The following DYNLRB1 variants were observed in gnomAD, a reference collection of about 807,000 sequenced individuals.
DYNLRB1 encodes dynein light chain roadblock-type 1.
A neutral mutation model predicts 13.5 loss-of-function variants in DYNLRB1; 6 were observed. The observed-to-expected ratio is 0.44, with a 90% CI of 0.24 to 0.88. DYNLRB1 has a LOEUF of 0.88. Ranked by LOEUF, DYNLRB1 falls within the 40% of genes least tolerant of loss-of-function variation. DYNLRB1 has a pLI of 0.21. For synonymous variants in DYNLRB1, 43 were observed against 45.0 expected (o/e 0.96, Z 0.18); for missense variants, 93 against 127.2 (o/e 0.73, Z 1.29).
intron 1 of DYNLRB1, among the ~76,000 whole-genome samples, chr20:34,517,713 C>CCG (rs1040115248): frequency 1.3e-5 from 2 of 149,092 alleles, no homozygotes; most frequent in African/African-American, 4.9e-5. Flanking sequence ...ACTGCCACCT[C>CCG]CGCCTCCCAG....
intron 1 of DYNLRB1, 186 bp downstream of exon 1, chr20:34,516,647 C>G (rs1277886046): frequency 1.8e-5 from 27 of 1,471,664 alleles, no homozygotes; most frequent in Non-Finnish European, 2.4e-5. Flanking sequence ...AAAGCCTGAC[C>G]GAGGCGGGGC....
At chr20:34,529,914 T>C in intron 2 of DYNLRB1, 1 of 1,500,580 alleles carries the variant, frequency 6.7e-7, no homozygotes, top group Non-Finnish European at 8.9e-7. Flanking sequence ...GGGCTGCCCC[T>C]GATCAGTTGG....
chr20:34,527,008 T>C (rs927145781), intron 2 of DYNLRB1, among the ~76,000 whole-genome samples: 10 of 152,286 alleles, frequency 6.6e-5, no homozygotes, highest in Admixed American at 5.9e-4. Context: ...ATACTAACTT[T>C]CCCAGACTGC....
At chr20:34,525,183 C>G (rs1488033931) in intron 1 of DYNLRB1, among the ~76,000 whole-genome samples, 1 of 151,974 alleles carries the variant, frequency 6.6e-6, no homozygotes, top group Non-Finnish European at 1.5e-5. Flanking sequence ...TTGAGGATCC[C>G]CCCCCCCATT....
intron 1 of DYNLRB1, among the ~76,000 whole-genome samples, chr20:34,524,369 A>G (rs1480412485): frequency 6.6e-6 from 1 of 152,176 alleles, no homozygotes; most frequent in Non-Finnish European, 1.5e-5. Flanking sequence ...GTGTATTCCT[A>G]TTAGTGGATG....
chr20:34,528,404 A>G (rs1306106052), intron 2 of DYNLRB1, among the ~76,000 whole-genome samples: 1 of 149,282 alleles, frequency 6.7e-6, no homozygotes, highest in African/African-American at 2.5e-5. Context: ...TTGGGAGGAG[A>G]GGAGTCCACT....
chr20:34,534,949 C>T (rs1219093989), intron 3 of DYNLRB1, 154 bp downstream of exon 3: 1 of 1,496,626 alleles, frequency 6.7e-7, no homozygotes, highest in Non-Finnish European at 8.9e-7. Context: ...CCTAGCCAGC[C>T]TCCAGCTGGT....
chr20:34,520,077 C>T (rs1478043485), intron 1 of DYNLRB1, among the ~76,000 whole-genome samples: 1 of 151,998 alleles, frequency 6.6e-6, no homozygotes, highest in African/African-American at 2.4e-5. Flanking sequence ...TGCAGTGATC[C>T]GAGACCAGGC....
rs554224114 is a variant in DYNLRB1 at position 34,537,837 on chromosome 20, A to T, written c.248-2744A>T. Among the ~76,000 whole-genome samples the T allele has an allele frequency of 1.1e-3, 173 of 152,232 alleles. 1 individual carries two copies. Among genetic ancestry groups the T allele is most frequent in the African/African-American group, 4.0e-3 (166 of 41,556 alleles). On this transcript the variant is annotated intron_variant, in intron 3 of 3. Coordinates refer to ENST00000357156, the MANE Select transcript of DYNLRB1 (RefSeq NM_014183.4). ...GCAGCCTGGCCCGGGAGGGAGATCC[A>T]TGCCTTCCCACCTGCCTGACCTGAC...
chr20:34,534,060 G>A (rs1281629163), intron 2 of DYNLRB1, among the ~76,000 whole-genome samples: 2 of 151,898 alleles, frequency 1.3e-5, no homozygotes, highest in Non-Finnish European at 2.9e-5. Flanking sequence ...AGAATCACTT[G>A]AACCCGGGAG....
intron 2 of DYNLRB1, chr20:34,529,797 G>A (rs116574338): frequency 1.5e-5 from 20 of 1,338,034 alleles, no homozygotes; most frequent in Admixed American, 7.3e-5. Flanking sequence ...TAGACAGAAC[G>A]TGCTCCCCAG....
chr20:34,539,192 C>T (rs1162950025), intron 3 of DYNLRB1, among the ~76,000 whole-genome samples: 3 of 152,200 alleles, frequency 2.0e-5, no homozygotes, highest in Non-Finnish European at 2.9e-5. Context: ...ACCACTTCTC[C>T]AGTTACCTCT....
At chr20:34,521,907 A>T (rs1241837372) in intron 1 of DYNLRB1, among the ~76,000 whole-genome samples, 1 of 152,128 alleles carries the variant, frequency 6.6e-6, no homozygotes, top group Non-Finnish European at 1.5e-5. Flanking sequence ...GTTTGGCAGT[A>T]CACATCAGTA....
intron 1 of DYNLRB1, among the ~76,000 whole-genome samples, chr20:34,519,726 C>T (rs759465294): frequency 2.0e-5 from 3 of 152,016 alleles, no homozygotes; most frequent in African/African-American, 7.2e-5. Flanking sequence ...CTGTTCTTGT[C>T]TTTTTTGCAC....
chr20:34,517,783 C>T (rs1409612251), intron 1 of DYNLRB1, among the ~76,000 whole-genome samples: 1 of 152,018 alleles, frequency 6.6e-6, no homozygotes, highest in East Asian at 1.9e-4. Flanking sequence ...CGCCCACCAC[C>T]ACGCCCAGCT....
At chr20:34,517,485 TA>T (rs972815535) in intron 1 of DYNLRB1, among the ~76,000 whole-genome samples, 4 of 152,082 alleles carry the variant, frequency 2.6e-5, no homozygotes, top group Non-Finnish European at 5.9e-5. Flanking sequence ...TCTTAAGCTG[TA>T]AAAAAAATTG....
chr20:34,538,519 C>T (rs1052776798), intron 3 of DYNLRB1, among the ~76,000 whole-genome samples: 1 of 152,176 alleles, frequency 6.6e-6, no homozygotes, highest in Non-Finnish European at 1.5e-5. Context: ...ACTCAGCCTA[C>T]ACAACCTTCA....
At chr20:34,516,800 G>A in intron 1 of DYNLRB1, 1 of 1,550,122 alleles carries the variant, frequency 6.5e-7, no homozygotes, top group South Asian at 1.2e-5. Context: ...ACGTTTCCCG[G>A]GAGCTCAGTT....
At chr20:34,531,956 G>T (rs903640338) in intron 2 of DYNLRB1, among the ~76,000 whole-genome samples, 2 of 152,186 alleles carry the variant, frequency 1.3e-5, no homozygotes, top group African/African-American at 2.4e-5. Context: ...AAGGTTAGGG[G>T]TTCTGATCAC....
Sources: gnomAD v4.1 joint callset for allele counts (sites outside exome capture counted in the v4.1 genomes callset) on GRCh38, gnomAD v4.1.1 for gene constraint, MANE v1.5 for transcripts, NCBI Gene and HGNC (gene_info 2026-07-23, HGNC 2026-07-21) for gene names.